NBAS: variants seen among roughly 807,000 people sequenced by gnomAD.
NBAS encodes NAG/BC035112 fusion.
A neutral mutation model predicts 302.5 loss-of-function variants in NBAS; 219 were observed. The observed-to-expected ratio is 0.72, with a 90% CI of 0.65 to 0.81. The LOEUF is 0.81. Ranked by LOEUF, NBAS falls within the 30% of genes least tolerant of loss-of-function variation. NBAS has a pLI of 0.00. For missense variants in NBAS, 2,932 were observed against 2,841.6 expected, an observed-to-expected ratio of 1.03 and a Z score of -0.72; for synonymous variants, 1,118 against 1,021.6, an observed-to-expected ratio of 1.09 and a Z score of -1.80.
At chr2:15,553,062 C>A (rs1034263344) in intron 5 of NBAS, among the ~76,000 whole-genome samples, 3 of 152,182 alleles carry the variant, frequency 2.0e-5, no homozygotes, top group African/African-American at 7.2e-5. Context: ...CTCGGCCTCC[C>A]AAAGTGCTGA....
At chr2:15,334,276 G>A (rs1168915149) in intron 35 of NBAS, among the ~76,000 whole-genome samples, 2 of 151,182 alleles carry the variant, frequency 1.3e-5, no homozygotes, top group Admixed American at 1.3e-4. Context: ...TGCAATCTCC[G>A]CCTCCCAGGT....
In NBAS at chr2:15,425,364, C is replaced by T. The variant is rs181148735; in HGVS notation, c.2424-896G>A. The stretch of plus-strand genomic sequence containing the variant: ...CTGAAAGCTGTGAAACCTGCAAATT[C>T]CTTAACTAAAACTAGTCTAAGATCT... On this transcript the variant is annotated intron_variant, in intron 22 of 51. Transcript: ENST00000281513. Among the ~76,000 whole-genome samples, 225 of 152,260 alleles carry T rather than the reference C, an allele frequency of 1.5e-3. 1 individual carries two copies. The highest frequency in any genetic ancestry group is 5.4e-3 in the Admixed American group (83 of 15,302).
At chr2:15,257,406 T>C (rs1253729762) in intron 44 of NBAS, among the ~76,000 whole-genome samples, 3 of 151,306 alleles carry the variant, frequency 2.0e-5, no homozygotes, top group African/African-American at 7.3e-5. Context: ...ATTTCTTTTT[T>C]TTTTTTTTTT....
the NBAS span, among the ~76,000 whole-genome samples, chr2:15,112,300 C>T: frequency 1.3e-5 from 2 of 151,466 alleles, no homozygotes; most frequent in Non-Finnish European, 3.0e-5. Context: ...CAAGAGGCAA[C>T]ATAAGAGTGA....
chr2:15,257,262 G>C (rs189674912), intron 44 of NBAS, among the ~76,000 whole-genome samples: 1 of 152,146 alleles, frequency 6.6e-6, no homozygotes, highest in African/African-American at 2.4e-5. Context: ...ATTTCTTCCG[G>C]ATTTAATCTA....
At chr2:14,867,206 C>T in the NBAS span, among the ~76,000 whole-genome samples, 9 of 152,106 alleles carry the variant, frequency 5.9e-5, no homozygotes, top group Non-Finnish European at 1.3e-4. Context: ...GGCTAAGGTC[C>T]AGGAGTCAAT....
At chr2:14,889,583 T>C in the NBAS span, among the ~76,000 whole-genome samples, 7 of 152,284 alleles carry the variant, frequency 4.6e-5, no homozygotes, top group South Asian at 1.5e-3. Flanking sequence ...CTCTCCACAT[T>C]CCTACCATAC....
chr2:15,223,699 C>A (rs1471505715), intron 47 of NBAS, among the ~76,000 whole-genome samples: 1 of 151,604 alleles, frequency 6.6e-6, no homozygotes, highest in Non-Finnish European at 1.5e-5. Context: ...CGTGGTGGTG[C>A]GTGCCTGTAA....
intron 21 of NBAS, among the ~76,000 whole-genome samples, chr2:15,432,298 T>C (rs1677804307): frequency 6.6e-6 from 1 of 151,848 alleles, no homozygotes; most frequent in African/African-American, 2.4e-5. Context: ...AAAAGGATTA[T>C]ATGGTAAACT....
At chr2:15,285,295 T>TCAA (rs1669988190) in intron 42 of NBAS, among the ~76,000 whole-genome samples, 1 of 152,156 alleles carries the variant, frequency 6.6e-6, no homozygotes, top group Non-Finnish European at 1.5e-5. Context: ...TTGACCCCAC[T>TCAA]CAATACTCAC....
the NBAS span, among the ~76,000 whole-genome samples, chr2:14,843,583 A>AC: frequency 7.4e-5 from 7 of 94,204 alleles, no homozygotes; most frequent in African/African-American, 3.9e-4. Context: ...CACACACACA[A>AC]AAATACCTTC....
chr2:14,860,670 GA>G, the NBAS span, among the ~76,000 whole-genome samples: 10 of 152,292 alleles, frequency 6.6e-5, no homozygotes, highest in East Asian at 1.7e-3. Context: ...GCAGTTACCA[GA>G]GGCTGGAAGG....
the NBAS span, among the ~76,000 whole-genome samples, chr2:14,864,320 CA>C: frequency 0.013 from 885 of 67,988 alleles, 6 homozygotes; most frequent in East Asian, 0.035. Context: ...GGCTCCATCT[CA>C]AAAAAAAAAA....
chr2:15,423,785 A>C (rs1170830481), intron 23 of NBAS, among the ~76,000 whole-genome samples: 1 of 152,242 alleles, frequency 6.6e-6, no homozygotes, highest in Non-Finnish European at 1.5e-5. Context: ...ATTAGTATTC[A>C]GATACTCTAA....
intron 6 of NBAS, among the ~76,000 whole-genome samples, chr2:15,542,534 G>A (rs1162261413): frequency 6.9e-6 from 1 of 145,370 alleles, no homozygotes; most frequent in Non-Finnish European, 1.5e-5. Context: ...AGAGACCTTT[G>A]TTCACTTGTT....
chr2:14,834,014 AAATCAAT>A, the NBAS span, among the ~76,000 whole-genome samples: 2 of 152,164 alleles, frequency 1.3e-5, no homozygotes, highest in African/African-American at 2.4e-5. Flanking sequence ...AGAGCTGTAA[AAATCAAT>A]AATCAAGTCA....
At chr2:14,782,107 T>C in the NBAS span, among the ~76,000 whole-genome samples, 1 of 152,162 alleles carries the variant, frequency 6.6e-6, no homozygotes, top group Non-Finnish European at 1.5e-5. Context: ...TATTTTTACC[T>C]TTCAAACCCA....
chr2:14,797,063 T>C, the NBAS span, among the ~76,000 whole-genome samples: 16 of 143,240 alleles, frequency 1.1e-4, no homozygotes, highest in African/African-American at 4.0e-4. Flanking sequence ...CTCACTGCAC[T>C]GTAGCCTGGG....
intron 9 of NBAS, among the ~76,000 whole-genome samples, chr2:15,523,025 C>T (rs530241632): frequency 3.9e-5 from 6 of 152,256 alleles, no homozygotes; most frequent in South Asian, 2.1e-4. Context: ...TGAAACGGTG[C>T]GCACCACAGC....
Sources: allele counts gnomAD v4.1 joint callset (sites outside exome capture counted in the v4.1 genomes callset), GRCh38; gene constraint gnomAD v4.1.1; transcripts MANE v1.5; gene names NCBI Gene and HGNC (gene_info 2026-07-23, HGNC 2026-07-21).